Variants in ITPR1 observed in about 807,000 individuals in gnomAD.
The protein encoded by ITPR1 is inositol 1,4,5-trisphosphate receptor type 1.
Under a neutral mutation model 318.4 loss-of-function variants are expected in ITPR1, and 96 were observed. The ratio of observed to expected loss-of-function variants is 0.30; its 90% CI spans 0.26 to 0.36. The LOEUF (loss-of-function observed/expected upper bound fraction) is 0.36. ITPR1 is among the 10% of genes least tolerant of loss of function. The pLI, the probability that ITPR1 is intolerant of heterozygous loss-of-function variation, is 1.00. For synonymous variants in ITPR1, 1,312 were observed against 1,289.9 expected (o/e 1.02, Z -0.37); for missense variants, 2,440 against 3,460.2 (o/e 0.71, Z 7.40).
At position 4,665,193 on chromosome 3, in the gene ITPR1, G is replaced by A. The variant is rs749386587; in HGVS notation, c.1610G>A (p.Arg537Gln). The part of the protein sequence containing the change: ...FTDCGDGPML[R>Q]LEELGDQRHA... ...GACTGCGGTGATGGCCCAATGCTTCGGCTGGAAGAGCTCGGGGACCAGCGG... is the reference window on the plus strand; with the variant it reads ...GACTGCGGTGATGGCCCAATGCTTCAGCTGGAAGAGCTCGGGGACCAGCGG... Residue 537 changes from arginine to glutamine, a missense_variant, in exon 17 of 62, where the codon CGG (arginine) becomes CAG (glutamine). Coordinates refer to ENST00000649015, the MANE Select transcript of ITPR1 (RefSeq NM_001378452.1). 33 of 1,613,836 alleles carry A rather than the reference G, an allele frequency of 2.0e-5. No individual in the cohort carries two copies. The highest frequency in any genetic ancestry group is 5.5e-5 in the South Asian group (5 of 91,092).
intron 58 of ITPR1, 32 bp downstream of exon 58, chr3:4,814,594 A>T: frequency 1.8e-4 from 101 of 558,054 alleles, no homozygotes; most frequent in African/African-American, 2.7e-4. Flanking sequence ...GGAAGGGCAA[A>T]GGGGGCGGGT....
At chr3:4,626,733 A>AT in intron 4 of ITPR1, among the ~76,000 whole-genome samples, 1 of 152,234 alleles carries the variant, frequency 6.6e-6, no homozygotes, top group South Asian at 2.1e-4. Flanking sequence ...CAGTTTATAT[A>AT]TTTTCTTTCT....
At chr3:4,510,329 A>C (rs2081712988) in intron 2 of ITPR1, among the ~76,000 whole-genome samples, 1 of 152,176 alleles carries the variant, frequency 6.6e-6, no homozygotes, top group South Asian at 2.1e-4. Flanking sequence ...TTAAGCAGGG[A>C]AATGATATGG....
At chr3:4,668,925 C>T (rs1424326914) in intron 18 of ITPR1, among the ~76,000 whole-genome samples, 3 of 152,206 alleles carry the variant, frequency 2.0e-5, no homozygotes, top group Non-Finnish European at 2.9e-5. Flanking sequence ...GCTCCTCTTT[C>T]GTACACCCTC....
At chr3:4,837,340 C>G (rs954152261) in intron 61 of ITPR1, among the ~76,000 whole-genome samples, 1 of 152,104 alleles carries the variant, frequency 6.6e-6, no homozygotes, top group African/African-American at 2.4e-5. Context: ...GTCAAATCCT[C>G]ACCCCATATA....
intron 17 of ITPR1, among the ~76,000 whole-genome samples, 187 bp downstream of exon 17, chr3:4,665,483 G>A (rs1042692927): frequency 4.6e-5 from 7 of 152,212 alleles, no homozygotes; most frequent in South Asian, 4.1e-4. Context: ...GTTAAGAAAC[G>A]TACTGGAGAA....
chr3:4,613,911 T>C (rs1349934467), intron 4 of ITPR1, among the ~76,000 whole-genome samples: 2 of 152,306 alleles, frequency 1.3e-5, no homozygotes, highest in Admixed American at 6.5e-5. Flanking sequence ...CAGATTGAGA[T>C]AGATAACATT....
chr3:4,578,606 G>C (rs920950246), intron 4 of ITPR1, among the ~76,000 whole-genome samples: 1 of 152,118 alleles, frequency 6.6e-6, no homozygotes, highest in Non-Finnish European at 1.5e-5. Context: ...CCTGTGTTCT[G>C]TGATGAGCTT....
intron 4 of ITPR1, among the ~76,000 whole-genome samples, chr3:4,566,851 C>T (rs959401261): frequency 2.0e-5 from 3 of 152,160 alleles, no homozygotes; most frequent in African/African-American, 7.2e-5. Flanking sequence ...ATTTCCTCCT[C>T]AGGAGAGTTG....
intron 61 of ITPR1, among the ~76,000 whole-genome samples, chr3:4,843,059 T>C (rs1000846646): frequency 2.0e-5 from 3 of 148,986 alleles, no homozygotes; most frequent in Admixed American, 6.8e-5. Flanking sequence ...ATTTAGTCCT[T>C]CAGGGTTTTG....
chr3:4,826,736 T>G lies in ITPR1; in HGVS notation c.8028+8494T>G, dbSNP rs2050103399. Among the ~76,000 whole-genome samples, 1 of 152,212 alleles carries G rather than the reference T, an allele frequency of 6.6e-6. No individual in the cohort carries two copies. The highest frequency in any genetic ancestry group is 6.5e-5 in the Admixed American group (1 of 15,276). On this transcript the variant is annotated intron_variant, in intron 60 of 61. Transcript: ENST00000649015. The surrounding 1 kb of genome is among the most constrained non-coding windows in gnomAD (Gnocchi z 4.2). ...CACTTCACTGGCACTTTCCTTTCAT[T>G]GTGAGGCACTTGGCGTTTGGGCCCC...
intron 55 of ITPR1, among the ~76,000 whole-genome samples, chr3:4,808,625 C>T (rs2048738812): frequency 6.6e-6 from 1 of 152,198 alleles, no homozygotes; most frequent in Non-Finnish European, 1.5e-5. Context: ...AAGTGATGTG[C>T]TCCTTTTGGT....
rs188130797 is a variant in ITPR1 at position 4,827,715 on chromosome 3, G to A, written c.8029-9059G>A. Among the ~76,000 whole-genome samples the A allele has an allele frequency of 1.3e-4, 20 of 152,280 alleles. No individual in the cohort carries two copies. In the South Asian group the frequency reaches 2.1e-3, roughly 16 times the overall value. On this transcript the variant is annotated intron_variant, in intron 60 of 61. Transcript: ENST00000649015. ...ACATTCAGAGTGCGGATAGGAGTTC[G>A]TGAAATATGAAACAGGAAGGTGTGA...
chr3:4,540,833 C>T (rs918646721), intron 4 of ITPR1, among the ~76,000 whole-genome samples: 4 of 152,150 alleles, frequency 2.6e-5, no homozygotes, highest in Non-Finnish European at 4.4e-5. Context: ...GCCTCAGGCT[C>T]CCAAAGTACT....
chr3:4,662,938 A>C, intron 15 of ITPR1, 127 bp from the exon 16 acceptor site: 1 of 700,990 alleles, frequency 1.4e-6, no homozygotes, highest in Non-Finnish European at 2.4e-6. Context: ...GTCAGTTTCA[A>C]AGAAATTGGA....
intron 33 of ITPR1, 80 bp from the exon 34 acceptor site, chr3:4,697,067 C>G: frequency 7.5e-7 from 1 of 1,332,144 alleles, no homozygotes; most frequent in Non-Finnish European, 1.1e-6. Context: ...TTCATCGGTC[C>G]TTGCTGTGAA....
At chr3:4,513,952 C>T (rs191475265) in intron 2 of ITPR1, among the ~76,000 whole-genome samples, 5 of 152,120 alleles carry the variant, frequency 3.3e-5, no homozygotes, top group South Asian at 2.1e-4. Context: ...CCAGGCATGG[C>T]GGTGGGTGCC....
chr3:4,541,783 G>A (rs2084483271), intron 4 of ITPR1, among the ~76,000 whole-genome samples: 1 of 152,016 alleles, frequency 6.6e-6, no homozygotes, highest in African/African-American at 2.4e-5. Flanking sequence ...GTGCCACCAT[G>A]CCCAGCTAAT....
In ITPR1 at chr3:4,766,627, C is replaced by T. The variant is rs767958923; in HGVS notation, c.5642C>T (p.Ala1881Val). 6.2e-7 allele frequency: 1 copy of T among 1,613,690 alleles called. No homozygotes were observed. Among genetic ancestry groups the T allele is most frequent in the Non-Finnish European group, 8.5e-7 (1 of 1,179,682 alleles). ...RMKVAQQEIK[A>V]TVTVNTSDLG... ...AAGGTGGCCCAGCAAGAAATCAAAGCAACAGTGACAGTGAACACCAGTGAC... is the reference window on the plus strand; with the variant it reads ...AAGGTGGCCCAGCAAGAAATCAAAGTAACAGTGACAGTGAACACCAGTGAC... The change falls in exon 45 of 62, where the codon GCA (alanine) becomes GTA (valine). Residue 1881 changes from alanine (A) to valine (V), a missense_variant. Transcript: ENST00000649015.
Sources: allele counts gnomAD v4.1 joint callset (sites outside exome capture counted in the v4.1 genomes callset), GRCh38; gene constraint gnomAD v4.1.1; non-coding constraint Gnocchi (gnomAD v3.1); transcripts MANE v1.5; gene names NCBI Gene and HGNC (gene_info 2026-07-23, HGNC 2026-07-21).